The following RBFOX3 variants were observed in gnomAD, a reference collection of about 807,000 sequenced individuals.
RBFOX3 encodes RNA binding protein fox-1 homolog 3.
Under a neutral mutation model 48.7 loss-of-function variants are expected in RBFOX3, and 17 were observed. The observed-to-expected ratio is 0.35, with a 90% CI of 0.24 to 0.52. RBFOX3 has a LOEUF of 0.52. RBFOX3 is among the 20% of genes least tolerant of loss of function. The pLI, the probability that RBFOX3 is intolerant of heterozygous loss-of-function variation, is 0.94. For synonymous variants in RBFOX3, 212 were observed against 209.5 expected (o/e 1.01, Z -0.10); for missense variants, 382 against 497.5 (o/e 0.77, Z 2.21).
chr17:79,253,439 T>C (rs12603453), intron 3 of RBFOX3, among the ~76,000 whole-genome samples: 54,514 of 152,104 alleles, frequency 0.36, 10,240 homozygotes, highest in South Asian at 0.42. Flanking sequence ...CGAATCTTTC[T>C]TTATGGACCA....
chr17:79,228,892 G>A (rs2060646785), intron 4 of RBFOX3, among the ~76,000 whole-genome samples: 1 of 152,138 alleles, frequency 6.6e-6, no homozygotes, highest in Non-Finnish European at 1.5e-5. Flanking sequence ...GTTCCATGAA[G>A]CTAGGCAGCT....
intron 2 of RBFOX3, among the ~76,000 whole-genome samples, chr17:79,456,075 C>T (rs2074433725): frequency 6.6e-6 from 1 of 152,138 alleles, no homozygotes; most frequent in Non-Finnish European, 1.5e-5. Flanking sequence ...GACCAGGCCC[C>T]ACCCCAAGCC....
At chr17:79,260,314 G>A (rs1023510369) in intron 3 of RBFOX3, among the ~76,000 whole-genome samples, 1 of 152,074 alleles carries the variant, frequency 6.6e-6, no homozygotes, top group Admixed American at 6.5e-5. Context: ...CCCATGTGCC[G>A]GCACCTGCTC....
chr17:79,147,877 G>A (rs1172534049), intron 4 of RBFOX3, among the ~76,000 whole-genome samples: 3 of 152,258 alleles, frequency 2.0e-5, no homozygotes, highest in Non-Finnish European at 4.4e-5. Context: ...ATGAAACAGA[G>A]GCTGTGAAGG....
chr17:79,196,019 A>C (rs2055516596), intron 4 of RBFOX3, among the ~76,000 whole-genome samples: 1 of 152,010 alleles, frequency 6.6e-6, no homozygotes, highest in South Asian at 2.1e-4. Flanking sequence ...CTCATGCTCC[A>C]CCCCAGCCTC....
the RBFOX3 span, among the ~76,000 whole-genome samples, chr17:79,638,073 T>C: frequency 3.3e-5 from 5 of 152,114 alleles, no homozygotes; most frequent in African/African-American, 1.2e-4. Flanking sequence ...CCAAAATGTA[T>C]GGGATATAGC....
chr17:79,191,612 G>T (rs2054542068), intron 4 of RBFOX3, among the ~76,000 whole-genome samples: 1 of 152,224 alleles, frequency 6.6e-6, no homozygotes, highest in African/African-American at 2.4e-5. Context: ...GCAGACAGGG[G>T]CCGGGCCATG....
At chr17:79,213,277 C>T (rs1405881505) in intron 4 of RBFOX3, among the ~76,000 whole-genome samples, 1 of 152,208 alleles carries the variant, frequency 6.6e-6, no homozygotes, top group Non-Finnish European at 1.5e-5. Flanking sequence ...GTGGCTCCCT[C>T]GCCTCCCTGC....
At chr17:79,215,167 G>A (rs1392343099) in intron 4 of RBFOX3, among the ~76,000 whole-genome samples, 1 of 152,214 alleles carries the variant, frequency 6.6e-6, no homozygotes. Context: ...GGAAGTGGGA[G>A]GGAGGTGCTG....
Position 79,562,715 on chromosome 17 carries a change from C to T in RBFOX3, c.-320+48111G>A, listed in dbSNP as rs1236099059. The stretch of plus-strand genomic sequence containing the variant: ...GTCCATGGAGGGTGGGCCCCGGCCC[C>T]GGCTGGAGATAAGGGAATCGGGGTA... On this transcript the variant is annotated intron_variant, in intron 1 of 14. Transcript: ENST00000693108. Among the ~76,000 whole-genome samples, 8 of 152,312 alleles carry T rather than the reference C, an allele frequency of 5.3e-5. No homozygotes were observed. The East Asian group carries it at 5.8e-4, about 11-fold the overall frequency.
chr17:79,293,280 C>T (rs1375627126), intron 3 of RBFOX3, among the ~76,000 whole-genome samples: 1 of 152,166 alleles, frequency 6.6e-6, no homozygotes, highest in Non-Finnish European at 1.5e-5. Flanking sequence ...TACTCATCTG[C>T]TGCTCACATC....
chr17:79,255,216 T>G (rs2064583822), intron 3 of RBFOX3, among the ~76,000 whole-genome samples: 1 of 98,216 alleles, frequency 1.0e-5, no homozygotes, highest in Non-Finnish European at 2.2e-5. Context: ...TGTGGTCACA[T>G]GTGTGCGTGT....
At chr17:79,628,811 G>A in the RBFOX3 span, among the ~76,000 whole-genome samples, 1 of 151,968 alleles carries the variant, frequency 6.6e-6, no homozygotes, top group African/African-American at 2.4e-5. Context: ...TAGACAAAAG[G>A]CAACTTTCTT....
At chr17:79,648,775 C>A in the RBFOX3 span, among the ~76,000 whole-genome samples, 2 of 152,284 alleles carry the variant, frequency 1.3e-5, no homozygotes, top group South Asian at 4.1e-4. Context: ...GCCTCCCTTG[C>A]AGGATGCTGG....
At chr17:79,314,009 AGCCAGGTG>A (rs1320257463) in intron 2 of RBFOX3, among the ~76,000 whole-genome samples, 1 of 152,208 alleles carries the variant, frequency 6.6e-6, no homozygotes, top group African/African-American at 2.4e-5. Flanking sequence ...GGGCTCAGGT[AGCCAGGTG>A]GCCTCAGAGG....
At chr17:79,222,076 C>G (rs2059797239) in intron 4 of RBFOX3, among the ~76,000 whole-genome samples, 1 of 152,168 alleles carries the variant, frequency 6.6e-6, no homozygotes, top group Non-Finnish European at 1.5e-5. Context: ...TGATTTCTAC[C>G]CGTTGCCTGA....
At chr17:79,642,538 G>A in the RBFOX3 span, among the ~76,000 whole-genome samples, 1 of 152,102 alleles carries the variant, frequency 6.6e-6, no homozygotes, top group Non-Finnish European at 1.5e-5. Flanking sequence ...TTTTAAGAAA[G>A]CATGCTGTCA....
intron 1 of RBFOX3, among the ~76,000 whole-genome samples, chr17:79,581,599 C>A (rs1291415968): frequency 6.6e-6 from 1 of 152,228 alleles, no homozygotes; most frequent in East Asian, 1.9e-4. Flanking sequence ...GCCTGCCTTG[C>A]CCCGAGGCTG....
At chr17:79,124,365 C>G (rs549841985) in intron 4 of RBFOX3, among the ~76,000 whole-genome samples, 2 of 152,222 alleles carry the variant, frequency 1.3e-5, no homozygotes, top group Admixed American at 1.3e-4. Context: ...TGACACTGAA[C>G]GAGGCTGTCT....
Sources: allele counts gnomAD v4.1 joint callset (sites outside exome capture counted in the v4.1 genomes callset), GRCh38; gene constraint gnomAD v4.1.1; transcripts MANE v1.5; gene names NCBI Gene and HGNC (gene_info 2026-07-23, HGNC 2026-07-21).